The following TMEM163 variants were observed in gnomAD, a reference collection of about 807,000 sequenced individuals.
TMEM163 encodes the protein transmembrane protein 163.
TMEM163 carries 17 observed loss-of-function variants against 29.3 expected under a neutral mutation model. The observed-to-expected ratio is 0.58, with a 90% CI of 0.40 to 0.87. The LOEUF (loss-of-function observed/expected upper bound fraction) is 0.87. Ranked by LOEUF, TMEM163 falls within the 40% of genes least tolerant of loss-of-function variation. The pLI is 0.00. For missense variants in TMEM163, 303 were observed against 381.5 expected, an observed-to-expected ratio of 0.79 and a Z score of 1.71; for synonymous variants, 157 against 160.6, an observed-to-expected ratio of 0.98 and a Z score of 0.17.
At chr2:134,695,035 A>C (rs1684546956) in intron 2 of TMEM163, among the ~76,000 whole-genome samples, 1 of 152,212 alleles carries the variant, frequency 6.6e-6, no homozygotes, top group Admixed American at 6.5e-5. Flanking sequence ...CAAAACCAAT[A>C]ACAAAGCTAA....
At chr2:134,457,384 G>A (rs552802781) in intron 7 of TMEM163, among the ~76,000 whole-genome samples, 1 of 152,214 alleles carries the variant, frequency 6.6e-6, no homozygotes, top group African/African-American at 2.4e-5. Context: ...ATGGATGAGG[G>A]TTCCACTTTC....
intron 2 of TMEM163, among the ~76,000 whole-genome samples, chr2:134,673,199 C>G (rs1189996872): frequency 6.6e-6 from 1 of 152,136 alleles, no homozygotes; most frequent in Non-Finnish European, 1.5e-5. Flanking sequence ...AACCCCAGGA[C>G]AAGAAGTCCT....
chr2:134,621,276 T>C (rs1682725751), intron 2 of TMEM163, among the ~76,000 whole-genome samples: 1 of 152,134 alleles, frequency 6.6e-6, no homozygotes, highest in African/African-American at 2.4e-5. Flanking sequence ...AACAAGATAC[T>C]ACTACAATAC....
chr2:134,645,311 G>T (rs1683310251), intron 2 of TMEM163, among the ~76,000 whole-genome samples: 1 of 152,192 alleles, frequency 6.6e-6, no homozygotes, highest in African/African-American at 2.4e-5. Context: ...GCCAAATCCA[G>T]CAGCAGCTCT....
intron 2 of TMEM163, among the ~76,000 whole-genome samples, chr2:134,678,647 A>G (rs566539463): frequency 1.3e-5 from 2 of 152,310 alleles, no homozygotes; most frequent in Non-Finnish European, 2.9e-5. Context: ...TCTGCTACTC[A>G]TAAGCTGTGT....
At chr2:134,606,280 T>C (rs748709774) in intron 2 of TMEM163, among the ~76,000 whole-genome samples, 34 of 151,382 alleles carry the variant, frequency 2.2e-4, no homozygotes, top group East Asian at 3.9e-4. Flanking sequence ...TCTGTGGAGG[T>C]TGCAGTGAGC....
At chr2:134,498,630 C>A (rs1033580668) in intron 5 of TMEM163, among the ~76,000 whole-genome samples, 7 of 152,210 alleles carry the variant, frequency 4.6e-5, no homozygotes, top group Non-Finnish European at 1.0e-4. Context: ...CCACGCCCAG[C>A]CAGCATGTGG....
chr2:134,563,228 T>C (rs781367204), intron 2 of TMEM163, among the ~76,000 whole-genome samples: 10 of 152,208 alleles, frequency 6.6e-5, no homozygotes, highest in Non-Finnish European at 1.5e-4. Flanking sequence ...AGTCTTCTCT[T>C]ATATTCAAGG....
Position 134,465,254 on chromosome 2 carries a change from G to A in TMEM163, c.667+860C>T, listed in dbSNP as rs1044223696. On this transcript the variant is annotated intron_variant, in intron 6 of 7. Coordinates refer to ENST00000281924, the MANE Select transcript of TMEM163 (RefSeq NM_030923.5). ...TATACACACACACATACACACACAC[G>A]TGTGTATAACATAAAACATGTTTGT... Among the ~76,000 whole-genome samples the A allele has an allele frequency of 6.7e-5, 10 of 148,830 alleles. No individual in the cohort carries two copies. The South Asian group carries it at 1.1e-3, about 16-fold the overall frequency.
chr2:134,532,399 TAAC>T (rs768158252), intron 4 of TMEM163, among the ~76,000 whole-genome samples: 4 of 152,224 alleles, frequency 2.6e-5, no homozygotes, highest in Admixed American at 6.5e-5. Context: ...GGATTGGGTA[TAAC>T]AACAGATGCG....
At chr2:134,712,390 T>C (rs1378229747) in intron 2 of TMEM163, among the ~76,000 whole-genome samples, 2 of 152,110 alleles carry the variant, frequency 1.3e-5, no homozygotes, top group African/African-American at 2.4e-5. Flanking sequence ...CCTTGTGTGA[T>C]GCCTATCACT....
chr2:134,585,434 G>T (rs940989365), intron 2 of TMEM163, among the ~76,000 whole-genome samples: 1 of 152,174 alleles, frequency 6.6e-6, no homozygotes, highest in African/African-American at 2.4e-5. Flanking sequence ...AGAATCAAAT[G>T]AGTTAATACA....
rs551640162 is a variant in TMEM163 at position 134,619,190 on chromosome 2, G to T, written c.323-67099C>A. Among the ~76,000 whole-genome samples, 4 of 152,128 alleles carry T rather than the reference G, an allele frequency of 2.6e-5. No homozygotes were observed. The South Asian group carries it at 8.3e-4, about 32-fold the overall frequency. Reference sequence around the variant, plus strand: ...TTAGATCTATCAAACATTTAAAGAAGAAATAACACTAATAGTAGTCAATTT... The same window carrying T: ...TTAGATCTATCAAACATTTAAAGAATAAATAACACTAATAGTAGTCAATTT... On this transcript the variant is annotated intron_variant, in intron 2 of 7. Coordinates refer to ENST00000281924, the MANE Select transcript of TMEM163 (RefSeq NM_030923.5).
intron 2 of TMEM163, among the ~76,000 whole-genome samples, chr2:134,656,512 G>T (rs910210320): frequency 6.6e-6 from 1 of 152,192 alleles, no homozygotes; most frequent in African/African-American, 2.4e-5. Context: ...CGTCTTCTGC[G>T]TCGCTCACGC....
intron 5 of TMEM163, among the ~76,000 whole-genome samples, chr2:134,482,587 T>C (rs1211499655): frequency 6.6e-6 from 1 of 152,142 alleles, no homozygotes; most frequent in East Asian, 1.9e-4. Context: ...TATTGATTTA[T>C]GGCCCCAGGT....
intron 7 of TMEM163, among the ~76,000 whole-genome samples, chr2:134,457,068 T>C (rs1453882467): frequency 6.6e-6 from 1 of 152,204 alleles, no homozygotes; most frequent in Non-Finnish European, 1.5e-5. Context: ...CGTGGCCTTT[T>C]GTGACTTCCT....
intron 2 of TMEM163, among the ~76,000 whole-genome samples, chr2:134,639,002 C>T (rs1683169328): frequency 6.6e-6 from 1 of 152,150 alleles, no homozygotes; most frequent in South Asian, 2.1e-4. Context: ...TGGGACAAGG[C>T]CACCCAGGGA....
intron 2 of TMEM163, among the ~76,000 whole-genome samples, chr2:134,562,893 T>C (rs1437330909): frequency 6.6e-6 from 1 of 152,180 alleles, no homozygotes; most frequent in Non-Finnish European, 1.5e-5. Context: ...ATAAAGGGAA[T>C]CTACAAAATA....
chr2:134,675,652 A>G (rs1168313320), intron 2 of TMEM163, among the ~76,000 whole-genome samples: 1 of 152,260 alleles, frequency 6.6e-6, no homozygotes, highest in African/African-American at 2.4e-5. Flanking sequence ...AAGAAGATGA[A>G]TAAGAAGTAA....
Sources: gnomAD v4.1 joint callset for allele counts (sites outside exome capture counted in the v4.1 genomes callset) on GRCh38, gnomAD v4.1.1 for gene constraint, MANE v1.5 for transcripts, NCBI Gene and HGNC (gene_info 2026-07-23, HGNC 2026-07-21) for gene names.